HECW2: variants seen among roughly 807,000 people sequenced by gnomAD.
HECW2 encodes the protein E3 ubiquitin-protein ligase HECW2.
HECW2 carries 61 observed loss-of-function variants against 175.2 expected under a neutral mutation model. That is an observed-to-expected ratio of 0.35 (90% CI 0.28 to 0.43). The LOEUF is 0.43. HECW2 is among the 20% of genes least tolerant of loss of function. The pLI is 1.00. For missense variants in HECW2, 1,524 were observed against 2,000.5 expected (o/e 0.76, Z 4.54); for synonymous variants, 671 against 731.0 (o/e 0.92, Z 1.32).
chr2:196,534,894 T>C (rs1204004486), intron 1 of HECW2, among the ~76,000 whole-genome samples: 3 of 152,160 alleles, frequency 2.0e-5, no homozygotes, highest in Non-Finnish European at 2.9e-5. Context: ...CCTATTTCAA[T>C]TGCCACTTAG....
chr2:196,503,467 G>A (rs887567001), intron 1 of HECW2, among the ~76,000 whole-genome samples: 2 of 152,168 alleles, frequency 1.3e-5, no homozygotes, highest in African/African-American at 2.4e-5. Flanking sequence ...GTCAAGAGCC[G>A]CATTGAGAGG....
intron 28 of HECW2, among the ~76,000 whole-genome samples, chr2:196,204,640 C>G (rs1687002469): frequency 6.6e-6 from 1 of 152,202 alleles, no homozygotes; most frequent in Non-Finnish European, 1.5e-5. Flanking sequence ...GCCTGGATGC[C>G]TGCTCCATGA....
At chr2:196,397,878 C>T (rs543208567) in intron 2 of HECW2, among the ~76,000 whole-genome samples, 24 of 152,310 alleles carry the variant, frequency 1.6e-4, no homozygotes, top group African/African-American at 5.5e-4. Context: ...TTCATATACC[C>T]CATCCTCCTC....
intron 28 of HECW2, among the ~76,000 whole-genome samples, chr2:196,213,076 A>G (rs1687347660): frequency 6.6e-6 from 1 of 152,182 alleles, no homozygotes; most frequent in Non-Finnish European, 1.5e-5. Context: ...GGCCAGAACC[A>G]ATTTTACAGA....
intron 2 of HECW2, among the ~76,000 whole-genome samples, chr2:196,359,060 G>A (rs571968477): frequency 1.1e-4 from 16 of 152,152 alleles, no homozygotes; most frequent in Non-Finnish European, 1.5e-4. Flanking sequence ...TTCAACTTGA[G>A]AATCTCTACC....
At chr2:196,551,764 C>A (rs1689609604) in intron 1 of HECW2, among the ~76,000 whole-genome samples, 1 of 152,146 alleles carries the variant, frequency 6.6e-6, no homozygotes, top group African/African-American at 2.4e-5. Context: ...GAAAGAGAAT[C>A]AATATGAATT....
chr2:196,214,005 G>A (rs1687382365), intron 28 of HECW2, among the ~76,000 whole-genome samples: 1 of 152,136 alleles, frequency 6.6e-6, no homozygotes, highest in African/African-American at 2.4e-5. Context: ...TTTCCAATAT[G>A]CAAATATCCT....
intron 1 of HECW2, among the ~76,000 whole-genome samples, chr2:196,438,785 G>A (rs1287507084): frequency 1.3e-5 from 2 of 152,130 alleles, no homozygotes; most frequent in South Asian, 2.1e-4. Flanking sequence ...GGGGGTGGAG[G>A]GTTTTCTGGG....
rs76567675 is a variant in HECW2 at position 196,294,482 on chromosome 2, G to A, written c.2815-1732C>T. On this transcript the variant is annotated intron_variant, in intron 13 of 28. Transcript: ENST00000644978. Reference sequence around the variant, plus strand: ...TCTGTTATCTATTTTAGTCTAAATCGTATGGGTTCTGTTATCTATTTTAGT... The same window carrying A: ...TCTGTTATCTATTTTAGTCTAAATCATATGGGTTCTGTTATCTATTTTAGT... Among the ~76,000 whole-genome samples, 1,026 of 152,040 alleles carry A rather than the reference G, an allele frequency of 6.7e-3. 14 individuals are homozygous for A. The highest frequency in any genetic ancestry group is 0.023 in the African/African-American group (971 of 41,472).
intron 19 of HECW2, 119 bp from the exon 20 acceptor site, chr2:196,242,323 T>C (rs1688487194): frequency 5.4e-6 from 7 of 1,303,810 alleles, no homozygotes; most frequent in Non-Finnish European, 7.4e-6. Context: ...TGTCTTAACT[T>C]CTGCATTTTT....
chr2:196,250,704 C>T (rs1688821897), intron 19 of HECW2, among the ~76,000 whole-genome samples: 1 of 152,076 alleles, frequency 6.6e-6, no homozygotes, highest in South Asian at 2.1e-4. Flanking sequence ...TGTGTTTCTT[C>T]CTTCAGTGTC....
chr2:196,379,738 A>C lies in HECW2; in HGVS notation c.293-35974T>G, dbSNP rs555246902. Among the ~76,000 whole-genome samples the C allele has an allele frequency of 3.9e-4, 59 of 151,944 alleles. No individual in the cohort carries two copies. In the South Asian group the frequency reaches 0.012, roughly 31 times the overall value. On this transcript the variant is annotated intron_variant, in intron 2 of 28. Coordinates refer to ENST00000644978, the MANE Select transcript of HECW2 (RefSeq NM_001348768.2). ...TATGGCACCTTAAGGACTTTCCTAA[A>C]TATGTGCAATTCCTCAATAAAACAA...
intron 5 of HECW2, among the ~76,000 whole-genome samples, chr2:196,328,995 C>T (rs1692257191): frequency 6.6e-6 from 1 of 150,754 alleles, no homozygotes; most frequent in African/African-American, 2.4e-5. Flanking sequence ...TAAACTCTGA[C>T]ATTATTCTTT....
intron 1 of HECW2, among the ~76,000 whole-genome samples, chr2:196,539,691 A>G (rs1326667533): frequency 1.3e-5 from 2 of 152,214 alleles, no homozygotes; most frequent in Non-Finnish European, 2.9e-5. Context: ...GTAATCTCAC[A>G]TGAGGGTCCC....
intron 2 of HECW2, among the ~76,000 whole-genome samples, chr2:196,427,132 AACTTCAG>A (rs1402677622): frequency 1.9e-5 from 1 of 53,486 alleles, no homozygotes; most frequent in Non-Finnish European, 5.3e-5. Context: ...TACATCAAGA[AACTTCAG>A]ATGATTTTTT....
chr2:196,301,375 T>C (rs972845393), intron 13 of HECW2, among the ~76,000 whole-genome samples: 14 of 152,332 alleles, frequency 9.2e-5, no homozygotes, highest in African/African-American at 3.4e-4. Context: ...TGATTTATAT[T>C]CCTTTAGTTA....
intron 1 of HECW2, among the ~76,000 whole-genome samples, chr2:196,495,411 G>C (rs1575605177): frequency 6.6e-6 from 1 of 152,006 alleles, no homozygotes; most frequent in African/African-American, 2.4e-5. Flanking sequence ...GAGAGGAGGA[G>C]GATGAGATAT....
At chr2:196,242,531 G>C (rs1376244412) in intron 19 of HECW2, 1 of 259,812 alleles carries the variant, frequency 3.8e-6, no homozygotes, top group Non-Finnish European at 7.5e-6. Context: ...GTAACTGTTA[G>C]GATGAAATGT....
At chr2:196,529,966 C>T (rs778153592) in intron 1 of HECW2, among the ~76,000 whole-genome samples, 5 of 152,170 alleles carry the variant, frequency 3.3e-5, no homozygotes, top group Non-Finnish European at 7.3e-5. Context: ...ACAATGTTGG[C>T]CTACTCAGTA....
Sources: allele counts gnomAD v4.1 joint callset (sites outside exome capture counted in the v4.1 genomes callset), GRCh38; gene constraint gnomAD v4.1.1; transcripts MANE v1.5; gene names NCBI Gene and HGNC (gene_info 2026-07-23, HGNC 2026-07-21).